COL15A1: variants seen among roughly 807,000 people sequenced by gnomAD.
COL15A1 encodes collagen alpha-1(XV) chain.
In COL15A1, 111 loss-of-function variants were observed where a neutral mutation model predicts 165.9. The ratio of observed to expected loss-of-function variants is 0.67; its 90% CI spans 0.57 to 0.78. COL15A1 has a LOEUF of 0.78. COL15A1 is among the 30% of genes least tolerant of loss of function. COL15A1 has a pLI of 0.00. For missense variants in COL15A1, 1,745 were observed against 1,789.7 expected (o/e 0.98, Z 0.45); for synonymous variants, 659 against 674.8 (o/e 0.98, Z 0.36).
At chr9:98,967,379 T>TCTCCTGAC (rs1175467193) in intron 2 of COL15A1, among the ~76,000 whole-genome samples, 2 of 152,254 alleles carry the variant, frequency 1.3e-5, no homozygotes, top group South Asian at 4.1e-4. Context: ...TGCAGAACCC[T>TCTCCTGAC]CTCCTGACAG....
chr9:98,952,085 C>T (rs1256344610), intron 2 of COL15A1, among the ~76,000 whole-genome samples: 5 of 152,202 alleles, frequency 3.3e-5, no homozygotes, highest in Non-Finnish European at 5.9e-5. Flanking sequence ...AACTCTGAAT[C>T]CTGGAACAGG....
Position 98,943,952 on chromosome 9 carries a change from C to A in COL15A1, c.-110C>A, listed in dbSNP as rs993743060. On this transcript the variant is annotated 5_prime_UTR_variant, in exon 1 of 42. Transcript: ENST00000375001. ...TGCCGAGCGCCGCCTTTGTTCCCTG[C>A]AGGAAGGGCGAGCGCGGCGGCCAGC... is the stretch of plus-strand genomic sequence containing the variant. 3.4e-6 allele frequency: 5 copies of A among 1,490,914 alleles called. No individual in the cohort carries two copies. The highest frequency in any genetic ancestry group is 4.6e-6 in the Non-Finnish European group (5 of 1,093,596). 92.4% of individuals were successfully genotyped at this position (1,490,914 alleles called of 1,614,324 possible).
chr9:99,028,996 A>T (rs562699350), intron 16 of COL15A1, among the ~76,000 whole-genome samples: 110 of 152,204 alleles, frequency 7.2e-4, no homozygotes, highest in Non-Finnish European at 1.3e-3. Context: ...CCAAGAAGGA[A>T]TGGGTGAGGA....
intron 2 of COL15A1, among the ~76,000 whole-genome samples, chr9:98,956,342 C>A (rs1837776034): frequency 6.6e-6 from 1 of 152,010 alleles, no homozygotes; most frequent in South Asian, 2.1e-4. Context: ...AAAACAACAA[C>A]AACCAAAAAA....
In COL15A1 at chr9:99,036,405, C is replaced by A. The variant is rs1839303099; in HGVS notation, c.2409+9C>A. ...TCAAGGTCTTGTCTAATGTGAGTAT[C>A]ATTCAGGTCAGAGCTTGTCTACATA... On this transcript the variant is annotated intron_variant, in intron 21 of 41. Coordinates refer to ENST00000375001, the MANE Select transcript of COL15A1 (RefSeq NM_001855.5). The A allele has an allele frequency of 6.2e-7, 1 of 1,613,896 alleles. No individual in the cohort carries two copies. Among genetic ancestry groups the A allele is most frequent in the Admixed American group, 1.7e-5 (1 of 60,018 alleles).
chr9:98,960,032 G>T (rs1205405948), intron 2 of COL15A1, among the ~76,000 whole-genome samples: 3 of 152,120 alleles, frequency 2.0e-5, no homozygotes, highest in Admixed American at 6.6e-5. Flanking sequence ...GAAATCCTCT[G>T]CATTTTCACC....
At chr9:98,963,139 A>G (rs939214151) in intron 2 of COL15A1, among the ~76,000 whole-genome samples, 7 of 152,142 alleles carry the variant, frequency 4.6e-5, no homozygotes, top group African/African-American at 1.7e-4. Context: ...TCCAAGAATC[A>G]CTCTTTGGAG....
At chr9:99,053,804 T>G (rs1825666430) in intron 31 of COL15A1, among the ~76,000 whole-genome samples, 1 of 150,366 alleles carries the variant, frequency 6.7e-6, no homozygotes, top group Non-Finnish European at 1.5e-5. Context: ...GTCGCTAGCC[T>G]CATCTACACT....
At chr9:98,947,795 GAAC>G (rs997424952) in intron 2 of COL15A1, among the ~76,000 whole-genome samples, 1 of 152,178 alleles carries the variant, frequency 6.6e-6, no homozygotes, top group Non-Finnish European at 1.5e-5. Flanking sequence ...GGTAGGGGTA[GAAC>G]ACATGCATAT....
Position 98,996,533 on chromosome 9 carries a change from C to T in COL15A1, c.805-401C>T, listed in dbSNP as rs189731509. Among the ~76,000 whole-genome samples, 386 of 152,340 alleles carry T rather than the reference C, an allele frequency of 2.5e-3. 3 individuals carry two copies. Among genetic ancestry groups the T allele is most frequent in the Non-Finnish European group, 1.9e-3 (129 of 68,040 alleles). On this transcript the variant is annotated intron_variant, in intron 5 of 41. Coordinates refer to ENST00000375001, the MANE Select transcript of COL15A1 (RefSeq NM_001855.5). The stretch of plus-strand genomic sequence containing the variant: ...TTTTCATAGGTGTTTTCATATCTGG[C>T]ATTGAATTTATATGCAGTTTATTGA...
Position 98,994,757 on chromosome 9 carries a change from C to G in COL15A1, c.805-2177C>G, listed in dbSNP as rs932839541. On this transcript the variant is annotated intron_variant, in intron 5 of 41. Transcript: ENST00000375001. ...AATTGCAACACTTTTAATAGCAAGT[C>G]TTCAGACTTGAGGTTCCTATTTTGT... Among the ~76,000 whole-genome samples, 3 of 152,104 alleles carry G rather than the reference C, an allele frequency of 2.0e-5. No homozygotes were observed. The South Asian group carries it at 6.2e-4, about 31-fold the overall frequency.
chr9:98,959,081 G>A (rs1837823038), intron 2 of COL15A1, among the ~76,000 whole-genome samples: 1 of 151,750 alleles, frequency 6.6e-6, no homozygotes, highest in African/African-American at 2.4e-5. Flanking sequence ...AAAGAGTATT[G>A]TAGCTTTGTT....
chr9:99,036,818 G>A (rs969362728), intron 21 of COL15A1, among the ~76,000 whole-genome samples: 7 of 152,342 alleles, frequency 4.6e-5, no homozygotes, highest in African/African-American at 1.4e-4. Flanking sequence ...AGAGCCACAT[G>A]TTCCTGCCAA....
At chr9:99,006,307 C>T (rs1838761380) in intron 9 of COL15A1, among the ~76,000 whole-genome samples, 1 of 152,238 alleles carries the variant, frequency 6.6e-6, no homozygotes, top group Non-Finnish European at 1.5e-5. Flanking sequence ...ACAGAGATTA[C>T]TGATACAATA....
At position 98,950,529 on chromosome 9, in the gene COL15A1, T is replaced by TCCTTC. The variant is rs367699238; in HGVS notation, c.100+6297_100+6301dup. On this transcript the variant is annotated intron_variant, in intron 2 of 41. Coordinates refer to ENST00000375001, the MANE Select transcript of COL15A1 (RefSeq NM_001855.5). ...CCTTCCTTCCTTCCCTTCCCTTCCT[T>TCCTTC]CCTTCCCTTCCCTTCCCTTCCCCTT... Among the ~76,000 whole-genome samples the TCCTTC allele has an allele frequency of 7.5e-4, 83 of 110,068 alleles. 2 individuals are homozygous for TCCTTC. Among genetic ancestry groups the TCCTTC allele is most frequent in the Non-Finnish European group, 1.1e-3 (64 of 56,308 alleles). The allele number at this position is 110,068 out of a possible 152,430, so 72.2% of individuals were successfully genotyped here.
At chr9:99,050,424 G>T (rs1317494225) in intron 30 of COL15A1, among the ~76,000 whole-genome samples, 1 of 152,224 alleles carries the variant, frequency 6.6e-6, no homozygotes, top group Non-Finnish European at 1.5e-5. Flanking sequence ...ACTTGACTGA[G>T]CTGGGATCAT....
At chr9:99,058,227 C>T (rs999819510) in intron 35 of COL15A1, among the ~76,000 whole-genome samples, 7 of 152,180 alleles carry the variant, frequency 4.6e-5, no homozygotes, top group Non-Finnish European at 1.0e-4. Flanking sequence ...TTTGAAAAGT[C>T]CTGGGATGGG....
chr9:99,030,024 C>T (rs1839192856), intron 16 of COL15A1, among the ~76,000 whole-genome samples: 1 of 152,120 alleles, frequency 6.6e-6, no homozygotes, highest in Non-Finnish European at 1.5e-5. Flanking sequence ...AACAGACATC[C>T]ACAAGGCAGT....
At chr9:98,964,616 C>T (rs1472332847) in intron 2 of COL15A1, among the ~76,000 whole-genome samples, 1 of 152,310 alleles carries the variant, frequency 6.6e-6, no homozygotes, top group Non-Finnish European at 1.5e-5. Context: ...AGGTCCCCAC[C>T]ACAGATTCAA....
Sources: gnomAD v4.1 joint callset for allele counts (sites outside exome capture counted in the v4.1 genomes callset) on GRCh38, gnomAD v4.1.1 for gene constraint, MANE v1.5 for transcripts, NCBI Gene and HGNC (gene_info 2026-07-23, HGNC 2026-07-21) for gene names.